The following HNRNPU variants were observed in gnomAD, a reference collection of about 807,000 sequenced individuals.
HNRNPU encodes the protein HNRNPU antisense RNA 1.
In HNRNPU, 5 loss-of-function variants were observed where a neutral mutation model predicts 94.7. That is an observed-to-expected ratio of 0.05 (90% confidence interval 0.03 to 0.11). The LOEUF (loss-of-function observed/expected upper bound fraction) is 0.11, where lower values mean the gene tolerates loss of function less well. Ranked by LOEUF, HNRNPU falls within the 10% of genes least tolerant of loss-of-function variation. HNRNPU has a pLI of 1.00. For synonymous variants in HNRNPU, 434 were observed against 381.6 expected (o/e 1.14, Z -1.60); for missense variants, 710 against 1,049.2 (o/e 0.68, Z 4.47).
chr1:244,862,817 T>G, intron 1 of HNRNPU, 87 bp from the exon 2 acceptor site: 1 of 876,886 alleles, frequency 1.1e-6, no homozygotes. Flanking sequence ...CAGCTCGACT[T>G]TATCCTGCTT....
rs1030952398 is a variant in HNRNPU at position 244,854,828 on chromosome 1, G to C, written c.2424+145C>G. 5 of 636,254 alleles carry C rather than the reference G, an allele frequency of 7.9e-6. No individual in the cohort carries two copies. In the African/African-American group the frequency reaches 9.3e-5, roughly 12 times the overall value. The allele number at this position is 636,254 out of a possible 1,614,324, so 39.4% of individuals were successfully genotyped here. On this transcript the variant is annotated intron_variant, in intron 13 of 13. Transcript: ENST00000640218. ...ATTTTGCCTTCAAAAGGTAGATTAT[G>C]GCTACTACTGCAAGACGATTCACAC...
At chr1:244,862,584 T>C (rs1558189544) in intron 2 of HNRNPU, 35 bp downstream of exon 2, 2 of 1,607,782 alleles carry the variant, frequency 1.2e-6, no homozygotes, top group Non-Finnish European at 1.7e-6. Context: ...AACGAACGAA[T>C]AAGGGATGAG....
At chr1:244,862,196 G>A (rs1680849486) in intron 3 of HNRNPU, 4 of 363,136 alleles carry the variant, frequency 1.1e-5, no homozygotes, top group East Asian at 4.4e-5. Context: ...GTCAAAAACT[G>A]GCATTAATTT....
rs151204262 is a variant in HNRNPU, at chr1:244,859,561, G to A, written c.1018-187C>T. On this transcript the variant is annotated intron_variant, in intron 4 of 13. Coordinates refer to ENST00000640218, the MANE Select transcript of HNRNPU (RefSeq NM_031844.3). The stretch of plus-strand genomic sequence containing the variant: ...GTGCTTATAACTTGAAATTTAAAGA[G>A]TTAAATACTTATTTGACCCATATTT... 403 of 407,784 alleles carry A rather than the reference G, an allele frequency of 9.9e-4. 2 individuals carry two copies. The highest frequency in any genetic ancestry group is 7.7e-3 in the African/African-American group (375 of 48,992). 25.3% of individuals were successfully genotyped at this position (407,784 alleles called of 1,614,324 possible).
Position 244,856,672 on chromosome 1 carries a change from C to T in HNRNPU, c.1744-47G>A, listed in dbSNP as rs377740635. 9.5e-4 allele frequency: 1,525 copies of T among 1,607,784 alleles called. 19 individuals are homozygous for T. The South Asian group carries it at 0.015, about 15-fold the overall frequency. On this transcript the variant is annotated intron_variant, in intron 9 of 13. Coordinates refer to ENST00000640218, the MANE Select transcript of HNRNPU (RefSeq NM_031844.3). ...TTTACAACCCTAAACATTAATTCTA[C>T]ACCAATCTATCTAAATTATCAGTTA...
At chr1:244,861,527 AG>A (rs1680828354) in intron 3 of HNRNPU, 2 of 152,342 alleles carry the variant, frequency 1.3e-5, no homozygotes, top group African/African-American at 4.8e-5. Context: ...AGGATATTCC[AG>A]TAAGAAAGAG....
At chr1:244,857,145 A>C (rs1050598714) in intron 8 of HNRNPU, 2 of 290,050 alleles carry the variant, frequency 6.9e-6, no homozygotes, top group African/African-American at 4.4e-5. Flanking sequence ...GAACCAACTT[A>C]ATCTTGCCTT....
At chr1:244,857,452 G>A in intron 8 of HNRNPU, 146 bp downstream of exon 8, 2 of 771,298 alleles carry the variant, frequency 2.6e-6, no homozygotes, top group Non-Finnish European at 2.1e-6. Context: ...TCGCCATGTT[G>A]GCCAGGTGGG....
At position 244,858,751 on chromosome 1, in the gene HNRNPU, T is replaced by G. The variant is rs767181341; in HGVS notation, c.1208A>C (p.Asn403Thr). Reference protein sequence around the residue: ...TEDYGEKFDENDVITCFANFE... With the variant: ...TEDYGEKFDETDVITCFANFE... The stretch of plus-strand genomic sequence containing the variant: ...TACAGCAAAACATGTAATCACATCA[T>G]TTTCATCAAACTTTTCTCCATAATC... Residue 403 changes from asparagine (N) to threonine (T), a missense_variant, in exon 6 of 14, where the codon AAT becomes ACT. Physicochemically the swap from Asn to Thr is moderately conservative, Grantham distance 65 (BLOSUM62 0). Transcript: ENST00000640218. The G allele has an allele frequency of 2.6e-5, 42 of 1,586,734 alleles. 1 individual carries two copies. The Admixed American group carries it at 7.0e-4, about 27-fold the overall frequency.
chr1:244,861,985 C>G (rs1680842991), intron 3 of HNRNPU: 1 of 153,090 alleles, frequency 6.5e-6, no homozygotes, highest in African/African-American at 2.4e-5. Context: ...GAATTGAGAA[C>G]AAAAGAGCAG....
In HNRNPU at chr1:244,856,518, T is replaced by G. The variant is rs767732367; in HGVS notation, c.1851A>C (p.Thr617=). 5 of 1,614,130 alleles carry G rather than the reference T, an allele frequency of 3.1e-6. No homozygotes were observed. Among genetic ancestry groups the G allele is most frequent in the Non-Finnish European group, 4.2e-6 (5 of 1,179,982 alleles). The part of the protein sequence containing the change: ...CPKDEDYKQR[T]QKKAEVEGKD... ...TCCCCTCTACTTCTGCTTTCTTCTG[T>G]GTTCTTTGCTTATAGTCTTCATCTT... The change falls in exon 10 of 14, where the codon ACA becomes ACC. Residue 617 remains threonine (T), a synonymous_variant. Coordinates refer to ENST00000640218, the MANE Select transcript of HNRNPU (RefSeq NM_031844.3).
chr1:244,858,534 A>G (rs1680741442), intron 6 of HNRNPU, 195 bp downstream of exon 6: 1 of 608,022 alleles, frequency 1.6e-6, no homozygotes, highest in African/African-American at 1.9e-5. Context: ...TTTTCAGTCA[A>G]AATGAATTAG....
Position 244,863,650 on chromosome 1 carries a change from C to A in HNRNPU, c.658G>T (p.Gly220Ter). The A allele has an allele frequency of 6.4e-7, 1 of 1,552,914 alleles. No homozygotes were observed. The highest frequency in any genetic ancestry group is 1.9e-5 in the Admixed American group (1 of 53,086). Residue 220 changes from glycine (G) to a stop codon, truncating the protein, a stop_gained, in exon 1 of 14, where the codon GGA (glycine) becomes TGA (stop). Transcript: ENST00000640218. LOFTEE classifies it high-confidence loss of function. ...AGGKKKAEGG[G>*]GGGRPGAPAA... ...GGAGCCCCGGGGCGACCGCCGCCTC[C>A]GCCGCCTTCCGCCTTCTTCTTACCT...
At chr1:244,862,892 T>C (rs1426424262) in intron 1 of HNRNPU, 162 bp from the exon 2 acceptor site, 6 of 653,016 alleles carry the variant, frequency 9.2e-6, no homozygotes, top group Non-Finnish European at 1.4e-5. Flanking sequence ...ACGAATTCGA[T>C]TGGCGCTAGT....
At chr1:244,855,814 A>C (rs567555188) in intron 11 of HNRNPU, 90 bp downstream of exon 11, 1 of 1,464,238 alleles carries the variant, frequency 6.8e-7, no homozygotes, top group East Asian at 2.3e-5. Context: ...TATACCATTA[A>C]TGAGGAAGAA....
At chr1:244,860,228 G>C (rs1680790395) in intron 4 of HNRNPU, 107 bp downstream of exon 4, 1 of 840,810 alleles carries the variant, frequency 1.2e-6, no homozygotes, top group Admixed American at 2.7e-5. Context: ...TTGAACCCAG[G>C]ACGCGGAGGT....
chr1:244,860,601 T>C (rs545086364), intron 3 of HNRNPU, 127 bp from the exon 4 acceptor site: 10 of 687,300 alleles, frequency 1.5e-5, no homozygotes, highest in South Asian at 5.9e-5. Context: ...CTCCACATCA[T>C]GCTGTTGTTC....
rs1680722143 is a variant in HNRNPU, at chr1:244,857,882, A to C, written c.1494+129T>G. ...TAACAGTCAACATAAGGGGGAAACA[A>C]TTACTTAAGAGCAATATGCACAGCA... On this transcript the variant is annotated intron_variant, in intron 7 of 13. Coordinates refer to ENST00000640218, the MANE Select transcript of HNRNPU (RefSeq NM_031844.3). 1 of 1,301,232 alleles carries C rather than the reference A, an allele frequency of 7.7e-7. No homozygotes were observed. The highest frequency in any genetic ancestry group is 1.1e-6 in the Non-Finnish European group (1 of 942,440). 80.6% of individuals were successfully genotyped at this position (1,301,232 alleles called of 1,614,324 possible).
Position 244,853,891 on chromosome 1 carries a change from G to GA in HNRNPU, c.*558dup, listed in dbSNP as rs1680609425. On this transcript the variant is annotated 3_prime_UTR_variant, in exon 14 of 14. Transcript: ENST00000640218. Reference sequence around the variant, plus strand: ...TATACCAATTCCATTGTTATTTTAAGAAAAAACCTTCCCAGTTATTGTCAG... The same window carrying GA: ...TATACCAATTCCATTGTTATTTTAAGAAAAAAACCTTCCCAGTTATTGTCAG... 6.6e-6 allele frequency: 1 copy of GA among 152,432 alleles called. No individual in the cohort carries two copies. Among genetic ancestry groups the GA allele is most frequent in the African/African-American group, 2.4e-5 (1 of 41,352 alleles). 9.4% of individuals were successfully genotyped at this position (152,432 alleles called of 1,614,324 possible). A position where few individuals can be genotyped will look rare whatever the true frequency, so the allele number is the denominator to read the frequency against.
Sources: gnomAD v4.1 joint callset for allele counts on GRCh38, gnomAD v4.1.1 for gene constraint, MANE v1.5 for transcripts, NCBI Gene and HGNC (gene_info 2026-07-23, HGNC 2026-07-21) for gene names.